Variants in KCP observed in about 807,000 individuals in gnomAD.
KCP encodes the protein kielin/chordin-like protein.
In KCP, 194 loss-of-function variants were observed where a neutral mutation model predicts 212.7. That is an observed-to-expected ratio of 0.91 (90% CI 0.81 to 1.03). The LOEUF (loss-of-function observed/expected upper bound fraction) is 1.03. Ranked by LOEUF, KCP falls within the 50% of genes least tolerant of loss-of-function variation. KCP has a pLI of 0.00. For missense variants in KCP, 2,080 were observed against 2,162.5 expected (o/e 0.96, Z 0.76); for synonymous variants, 833 against 865.3 (o/e 0.96, Z 0.65).
chr7:128,877,542 G>A lies in KCP; in HGVS notation c.4560C>T (p.Tyr1520=), dbSNP rs924919914. ...DACLCDALEA[Y]ASHCRQAGVT... is the part of the protein sequence containing the mutation. The stretch of plus-strand genomic sequence containing the variant: ...CTCCTGCCTGGCGACAGTGACTGGC[G>A]TAGGCTTCCAGGGCATCACAGAGGC... Residue 1520 remains tyrosine (Y), a synonymous_variant, in exon 39 of 40, where the codon TAC becomes TAT. Transcript: ENST00000610776. 1.9e-5 allele frequency: 30 copies of A among 1,551,368 alleles called. No homozygotes were observed. The highest frequency in any genetic ancestry group is 1.8e-4 in the Admixed American group (9 of 50,994).
At chr7:128,896,612 C>T (rs576391987) in intron 8 of KCP, among the ~76,000 whole-genome samples, 65 of 151,958 alleles carry the variant, frequency 4.3e-4, no homozygotes, top group Non-Finnish European at 8.7e-4. Context: ...CCTCCATGGC[C>T]GGTCGCGGTG....
chr7:128,893,714 G>C, intron 11 of KCP, 92 bp downstream of exon 11: 1 of 1,362,266 alleles, frequency 7.3e-7, no homozygotes, highest in Admixed American at 2.0e-5. Flanking sequence ...GGGTAACAGG[G>C]GCTTAGGTCC....
In KCP at chr7:128,892,623, G is replaced by A. The variant is rs1378303881; in HGVS notation, c.1528-16C>T. On this transcript the variant is annotated splice_polypyrimidine_tract_variant and intron_variant, in intron 15 of 39. Transcript: ENST00000610776. Reference sequence around the variant, plus strand: ...CAGTTCCATCCTGCGAGAGAGCAGGGGAGAGAGCAATCGGGGCATGCCCAG... The same window carrying A: ...CAGTTCCATCCTGCGAGAGAGCAGGAGAGAGAGCAATCGGGGCATGCCCAG... 3.9e-6 allele frequency: 6 copies of A among 1,550,566 alleles called. No individual in the cohort carries two copies. Among genetic ancestry groups the A allele is most frequent in the Non-Finnish European group, 5.2e-6 (6 of 1,146,056 alleles).
intron 23 of KCP, 89 bp from the exon 24 acceptor site, chr7:128,887,055 C>A: frequency 9.8e-7 from 1 of 1,025,512 alleles, no homozygotes; most frequent in Non-Finnish European, 1.5e-6. Flanking sequence ...GGCCCAAACA[C>A]CCTCCCTTGG....
chr7:128,899,576 C>A (rs535794488), intron 8 of KCP, among the ~76,000 whole-genome samples: 1 of 152,276 alleles, frequency 6.6e-6, no homozygotes, highest in South Asian at 2.1e-4. Flanking sequence ...TTTTGTTTTT[C>A]ATAGTCAAGG....
Position 128,879,615 on chromosome 7 carries a change from C to T in KCP, c.4053G>A (p.Gly1351=), listed in dbSNP as rs1793191992. 1 of 1,550,374 alleles carries T rather than the reference C, an allele frequency of 6.5e-7. No individual in the cohort carries two copies. The highest frequency in any genetic ancestry group is 1.4e-5 in the African/African-American group (1 of 73,022). Residue 1351 remains glycine (G), a synonymous_variant, in exon 37 of 40, where the codon GGG becomes GGA. Coordinates refer to ENST00000610776, the MANE Select transcript of KCP (RefSeq NM_001366122.1). ...LLQDGAVTVD[G]HPVALPFLQE... Reference sequence around the variant, plus strand: ...GCAGGAAGGGCAAGGCCACCGGGTGCCCATCCACCTGGAGGATAAAGGAGG... The same window carrying T: ...GCAGGAAGGGCAAGGCCACCGGGTGTCCATCCACCTGGAGGATAAAGGAGG...
In KCP at chr7:128,881,936, C is replaced by CCTGGCA. The variant is rs1563021609; in HGVS notation, c.3319_3324dup (p.Cys1107_Gln1108dup). Reference sequence around the variant, plus strand: ...TGAGTCCCCAAGGCAGGAGGGCTCACCTGGCACTGGCACGTGTAGCAGGGG... The same window carrying CCTGGCA: ...TGAGTCCCCAAGGCAGGAGGGCTCACCTGGCACTGGCACTGGCACGTGTAGCAGGGG... On this transcript the variant is annotated inframe_insertion and splice_region_variant. Transcript: ENST00000610776. 2 of 1,551,134 alleles carry CCTGGCA rather than the reference C, an allele frequency of 1.3e-6. No individual in the cohort carries two copies. Among genetic ancestry groups the CCTGGCA allele is most frequent in the Non-Finnish European group, 1.7e-6 (2 of 1,146,860 alleles).
chr7:128,908,238 AG>A (rs1795234140), intron 2 of KCP, among the ~76,000 whole-genome samples, 187 bp downstream of exon 2: 1 of 118,302 alleles, frequency 8.5e-6, no homozygotes, highest in Non-Finnish European at 1.7e-5. Flanking sequence ...GAAAGAAGAA[AG>A]GAAGAAAGAA....
At chr7:128,905,816 C>T (rs1976298) in intron 5 of KCP, among the ~76,000 whole-genome samples, 2,465 of 151,678 alleles carry the variant, frequency 0.016, 72 homozygotes, top group African/African-American at 0.05. Context: ...CACGTACTCC[C>T]TCTCCTTCAG....
intron 8 of KCP, among the ~76,000 whole-genome samples, chr7:128,899,855 T>C (rs760297314): frequency 2.4e-4 from 36 of 152,324 alleles, no homozygotes; most frequent in Non-Finnish European, 4.7e-4. Context: ...TAAGGAATCA[T>C]GATTCCTTAA....
chr7:128,902,950 T>G (rs1345795301), intron 7 of KCP, 91 bp from the exon 8 acceptor site: 1 of 934,446 alleles, frequency 1.1e-6, no homozygotes. Flanking sequence ...CCACATGCCC[T>G]CTGAGGGCTC....
At chr7:128,898,120 A>T (rs1794636824) in intron 8 of KCP, among the ~76,000 whole-genome samples, 1 of 151,644 alleles carries the variant, frequency 6.6e-6, no homozygotes, top group African/African-American at 2.4e-5. Context: ...CAATGGTGCG[A>T]TCTTGGCTCA....
chr7:128,885,121 G>A lies in KCP; in HGVS notation c.3016C>T (p.His1006Tyr), dbSNP rs773178648. Residue 1006 changes from histidine to tyrosine, a missense_variant, in exon 27 of 40, where the codon CAT (histidine) becomes TAT (tyrosine). His to Tyr is a moderately conservative substitution (Grantham distance 83). Transcript: ENST00000610776. ...CCAGAGCATTGAGGACAGCAGTCAT[G>A]GGGCCCTTGGCGGGGCTGGGCGCAA... The part of the protein sequence containing the change: ...SSCAQPRQGP[H>Y]DCCPQCSDCE... The A allele has an allele frequency of 4.5e-6, 7 of 1,550,880 alleles. No individual in the cohort carries two copies. The highest frequency in any genetic ancestry group is 3.9e-5 in the Admixed American group (2 of 51,012).
rs1452671734 is a variant in KCP at position 128,906,269 on chromosome 7, G to A, written c.571+10C>T. The A allele has an allele frequency of 6.5e-7, 1 of 1,548,220 alleles. No individual in the cohort carries two copies. The highest frequency in any genetic ancestry group is 1.4e-5 in the African/African-American group (1 of 73,110). On this transcript the variant is annotated intron_variant, in intron 5 of 39. Transcript: ENST00000610776. Reference sequence around the variant, plus strand: ...GCAGGAGGTGGGGCTGAGACTGGCAGGAGGCTGACCTGGCTTACAGTGCGG... The same window carrying A: ...GCAGGAGGTGGGGCTGAGACTGGCAAGAGGCTGACCTGGCTTACAGTGCGG...
At chr7:128,880,594 C>T in intron 33 of KCP, 25 bp downstream of exon 33, 1 of 1,318,582 alleles carries the variant, frequency 7.6e-7, no homozygotes, top group Non-Finnish European at 9.9e-7. Context: ...TGGCTTACCC[C>T]TCCCCCATCA....
At position 128,887,354 on chromosome 7, in the gene KCP, T is replaced by A. The variant is rs1793720177; in HGVS notation, c.2513-54A>T. The A allele has an allele frequency of 3.8e-5, 49 of 1,289,154 alleles. No individual in the cohort carries two copies. The East Asian group carries it at 1.2e-3, about 32-fold the overall frequency. 79.9% of individuals were successfully genotyped at this position (1,289,154 alleles called of 1,614,324 possible). ...GCTGCCATCAACAGAACCTCCACTG[T>A]CACACACACACACAGCCCCTCCCCC... On this transcript the variant is annotated intron_variant, in intron 22 of 39. Transcript: ENST00000610776.
chr7:128,891,144 G>C (rs1794096038), intron 19 of KCP, 41 bp downstream of exon 19: 39 of 1,536,804 alleles, frequency 2.5e-5, no homozygotes, highest in Non-Finnish European at 3.2e-5. Context: ...GGCCTCCGAG[G>C]GGACCCCCAG....
In KCP at chr7:128,887,300, C is replaced by T. The variant is rs1335849507; in HGVS notation, c.2513G>A (p.Gly838Glu). ...AGTAGTGACGCCATGGTAGCGGCAT[C>T]CTGGCAGAGCGGGGAGTCCAACAGA... ...PSGHCCPTCQ[G>E]CRYHGVTTAS... Residue 838 changes from glycine (G) to glutamate (E), a missense_variant and splice_region_variant, in exon 23 of 40, where the codon GGA (glycine) becomes GAA (glutamate). By Grantham distance (98) the Gly-to-Glu change is moderately conservative. Transcript: ENST00000610776. The T allele has an allele frequency of 6.4e-7, 1 of 1,550,948 alleles. No homozygotes were observed.
chr7:128,877,424 G>A, intron 39 of KCP, 60 bp downstream of exon 39: 1 of 1,537,736 alleles, frequency 6.5e-7, no homozygotes. Context: ...GAGCCCTCCG[G>A]GCTGCCCTTC....
Sources: allele counts gnomAD v4.1 joint callset (sites outside exome capture counted in the v4.1 genomes callset), GRCh38; gene constraint gnomAD v4.1.1; transcripts MANE v1.5; gene names NCBI Gene and HGNC (gene_info 2026-07-23, HGNC 2026-07-21).